Variants in FGF13 observed in about 807,000 individuals in gnomAD.
The protein encoded by FGF13 is fibroblast growth factor 13, also known as fibroblast growth factor homologous factor 2.
In FGF13, 2 loss-of-function variants were observed where a neutral mutation model predicts 19.5. The ratio of observed to expected loss-of-function variants is 0.10; its 90% CI spans 0.04 to 0.32. The LOEUF (loss-of-function observed/expected upper bound fraction) is 0.32. Ranked by LOEUF, FGF13 falls within the 10% of genes least tolerant of loss-of-function variation. The pLI is 1.00. For missense variants in FGF13, 113 were observed against 192.7 expected (o/e 0.59, Z 2.45); for synonymous variants, 72 against 76.9 (o/e 0.94, Z 0.33).
chrX:138,651,731 C>G (rs994629197), intron 3 of FGF13, among the ~76,000 whole-genome samples: 1 of 110,482 alleles, frequency 9.1e-6, no homozygotes, highest in African/African-American at 3.3e-5. Context: ...GCTAATTATA[C>G]TTTCTTGCCA....
intron 1 of FGF13, among the ~76,000 whole-genome samples, chrX:139,109,738 A>G (rs2083587643): frequency 1.8e-5 from 2 of 111,800 alleles, no homozygotes; most frequent in Non-Finnish European, 3.8e-5. Flanking sequence ...CTTAGAACAG[A>G]GCCTGGCACA....
At chrX:138,978,238 G>A (rs376916958) in intron 1 of FGF13, among the ~76,000 whole-genome samples, 2 of 101,476 alleles carry the variant, frequency 2.0e-5, no homozygotes, top group Non-Finnish European at 4.0e-5. Context: ...TTTCCAACCT[G>A]TTTAATCTCT....
At chrX:138,947,731 G>A (rs764853923) in intron 1 of FGF13, among the ~76,000 whole-genome samples, 2 of 111,383 alleles carry the variant, frequency 1.8e-5, no homozygotes, top group Non-Finnish European at 3.8e-5. Flanking sequence ...ACAAAACTAC[G>A]GGGCTGAACT....
At chrX:139,103,519 G>A (rs756256956) in intron 1 of FGF13, among the ~76,000 whole-genome samples, 2 of 111,775 alleles carry the variant, frequency 1.8e-5, no homozygotes, top group Non-Finnish European at 1.9e-5. Flanking sequence ...GGGCTGGTGG[G>A]GAGGGAAGTC....
In FGF13 at chrX:138,810,809, G is replaced by T. The variant is rs1224079252; in HGVS notation, c.217+46703C>A. Among the ~76,000 whole-genome samples the T allele has an allele frequency of 3.6e-5, 4 of 112,341 alleles. No individual in the cohort carries two copies. In the East Asian group the frequency reaches 1.1e-3, roughly 32 times the overall value. On this transcript the variant is annotated intron_variant, in intron 3 of 6. Transcript: ENST00000436198. Reference sequence around the variant, plus strand: ...GGATATGAACAGACACTGCTCAGAAGAAGACACTTATGCAGCCAACAGACA... The same window carrying T: ...GGATATGAACAGACACTGCTCAGAATAAGACACTTATGCAGCCAACAGACA...
chrX:138,643,388 C>A (rs143634455), intron 3 of FGF13, among the ~76,000 whole-genome samples: 1 of 112,053 alleles, frequency 8.9e-6, no homozygotes, highest in South Asian at 3.7e-4. Flanking sequence ...TTATTTTTGT[C>A]GTGATACAAA....
intron 1 of FGF13, among the ~76,000 whole-genome samples, chrX:139,139,869 T>G (rs1218424192): frequency 1.8e-5 from 2 of 111,829 alleles, no homozygotes; most frequent in African/African-American, 6.5e-5. Context: ...TGGTGATTGC[T>G]ATTGACAATT....
chrX:138,770,041 G>A (rs2090533288), intron 3 of FGF13, among the ~76,000 whole-genome samples: 1 of 112,179 alleles, frequency 8.9e-6, no homozygotes, highest in African/African-American at 3.2e-5. Context: ...CGGTTATGTG[G>A]TCAAATAAGG....
chrX:138,636,710 A>G (rs147266161), intron 3 of FGF13, among the ~76,000 whole-genome samples: 443 of 112,097 alleles, frequency 4.0e-3, no homozygotes, highest in African/African-American at 0.012. Context: ...GATTTTTGCT[A>G]ATTTGCTGAG....
At chrX:139,164,256 A>T (rs1262178803) in intron 1 of FGF13, among the ~76,000 whole-genome samples, 2 of 110,956 alleles carry the variant, frequency 1.8e-5, no homozygotes, top group African/African-American at 6.6e-5. Flanking sequence ...TTCATGTGGT[A>T]GTTCTGTGGA....
rs190112791 is a variant in FGF13 at position 138,906,841 on chromosome X, A to G, written c.-112-42191T>C. ...TGTTTTAGTTGCCCAGGGATGTGCG[A>G]TTACACTGACAGCATTGCACTGAGG... On this transcript the variant is annotated intron_variant, in intron 1 of 2. Coordinates refer to the FGF13 transcript ENST00000421460. Among the ~76,000 whole-genome samples the G allele has an allele frequency of 6.3e-5, 7 of 111,455 alleles. No homozygotes were observed. In the East Asian group the frequency reaches 2.0e-3, roughly 32 times the overall value.
intron 2 of FGF13, among the ~76,000 whole-genome samples, chrX:138,859,722 A>C (rs1176698988): frequency 8.9e-6 from 1 of 112,319 alleles, no homozygotes; most frequent in Non-Finnish European, 1.9e-5. Flanking sequence ...TGTAACACAC[A>C]ACAAAATTCT....
intron 1 of FGF13, among the ~76,000 whole-genome samples, chrX:138,717,512 G>T (rs952162041): frequency 9.0e-5 from 10 of 111,415 alleles, no homozygotes; most frequent in African/African-American, 3.3e-4. Flanking sequence ...CCACCAAGAA[G>T]TAATCACTAG....
chrX:138,875,314 G>C (rs929177299), intron 1 of FGF13, among the ~76,000 whole-genome samples: 1 of 110,570 alleles, frequency 9.0e-6, no homozygotes, highest in Non-Finnish European at 1.9e-5. Flanking sequence ...GTTCACTGGA[G>C]ACACACAGCT....
intron 1 of FGF13, among the ~76,000 whole-genome samples, chrX:139,189,480 C>T (rs780094200): frequency 1.6e-4 from 18 of 111,645 alleles, no homozygotes; most frequent in African/African-American, 5.5e-4. Context: ...AATTCCCACA[C>T]ACACTACAAC....
chrX:139,183,692 C>A (rs1411827108), intron 1 of FGF13, among the ~76,000 whole-genome samples: 1 of 111,959 alleles, frequency 8.9e-6, no homozygotes, highest in Non-Finnish European at 1.9e-5. Flanking sequence ...TGTTGCACAG[C>A]CCACAGAACC....
At chrX:139,204,320 T>TCGCCGCCGC (rs770201350), upstream of FGF13, 6 of 325,746 alleles carry the variant, frequency 1.8e-5, no homozygotes, top group African/African-American at 2.8e-5. Flanking sequence ...GGAGCCGCCG[T>TCGCCGCCGC]CGCCGCCGCC....
chrX:138,761,527 C>T (rs186381793), intron 3 of FGF13, among the ~76,000 whole-genome samples: 2 of 111,334 alleles, frequency 1.8e-5, no homozygotes, highest in Non-Finnish European at 3.8e-5. Context: ...AAGCCAGTGG[C>T]AAGTCAGTTG....
chrX:138,993,420 T>C (rs1603106218), intron 1 of FGF13, among the ~76,000 whole-genome samples: 1 of 112,024 alleles, frequency 8.9e-6, no homozygotes, highest in South Asian at 3.7e-4. Flanking sequence ...TAAAATTATT[T>C]CAAAATAAAA....
Sources: gnomAD v4.1 joint callset for allele counts (sites outside exome capture counted in the v4.1 genomes callset) on GRCh38, gnomAD v4.1.1 for gene constraint, MANE v1.5 for transcripts, NCBI Gene and HGNC (gene_info 2026-07-23, HGNC 2026-07-21) for gene names.